Variants in ISCA1 observed in about 807,000 individuals in gnomAD.
The protein encoded by ISCA1 is iron-sulfur cluster assembly 1.
Under a neutral mutation model 14.7 loss-of-function variants are expected in ISCA1, and 9 were observed. That is an observed-to-expected ratio of 0.61 (90% confidence interval 0.37 to 1.07). ISCA1 has a LOEUF of 1.07. Among genes scored for constraint, ISCA1 ranks in the 50% least tolerant of loss-of-function variants. The pLI, the probability that ISCA1 is intolerant of heterozygous loss-of-function variation, is 0.01. For missense variants in ISCA1, 102 were observed against 150.1 expected (o/e 0.68, Z 1.67); for synonymous variants, 38 against 54.3 (o/e 0.70, Z 1.32).
In ISCA1 at chr9:86,274,184, C is replaced by T. The variant is rs1362978784; in HGVS notation, c.135+5G>A. ...TTTACTGAATAATTAACTGGTTTTA[C>T]TTACATGCTCAGGCTTATCTTTAAG... On this transcript the variant is annotated splice_donor_5th_base_variant and intron_variant, in intron 2 of 3. Coordinates refer to ENST00000375991, the MANE Select transcript of ISCA1 (RefSeq NM_030940.4). 5 of 1,530,088 alleles carry T rather than the reference C, an allele frequency of 3.3e-6. No individual in the cohort carries two copies. The highest frequency in any genetic ancestry group is 4.5e-6 in the Non-Finnish European group (5 of 1,105,132). 94.8% of individuals were successfully genotyped at this position (1,530,088 alleles called of 1,614,324 possible). A position where few individuals can be genotyped will look rare whatever the true frequency, so the allele number is the denominator to read the frequency against.
At chr9:86,267,649 G>A (rs1825306246) in intron 3 of ISCA1, 1 of 837,312 alleles carries the variant, frequency 1.2e-6, no homozygotes, top group Admixed American at 6.3e-5. Flanking sequence ...TCAAAAACAT[G>A]AGTTGATAAT....
rs1233476200 is a variant in ISCA1 at position 86,282,482 on chromosome 9, G to A, written c.-24C>T. 2.6e-6 allele frequency: 4 copies of A among 1,550,496 alleles called. No individual in the cohort carries two copies. Among genetic ancestry groups the A allele is most frequent in the Non-Finnish European group, 3.5e-6 (4 of 1,147,002 alleles). Reference sequence around the variant, plus strand: ...ATCTTCGCCGTCCCGGCGCCCCGGTGCCTCGGGCCGAAGGTCGGCCGCCTC... The same window carrying A: ...ATCTTCGCCGTCCCGGCGCCCCGGTACCTCGGGCCGAAGGTCGGCCGCCTC... On this transcript the variant is annotated 5_prime_UTR_variant, in exon 1 of 4. Coordinates refer to ENST00000375991, the MANE Select transcript of ISCA1 (RefSeq NM_030940.4).
intron 3 of ISCA1, chr9:86,267,320 C>T: frequency 1.2e-6 from 1 of 818,566 alleles, no homozygotes; most frequent in African/African-American, 1.9e-5. Context: ...ATTAAGTCAC[C>T]TCTTCTTTAA....
intron 1 of ISCA1, among the ~76,000 whole-genome samples, chr9:86,280,531 G>T (rs763763613): frequency 2.0e-5 from 3 of 149,996 alleles, no homozygotes; most frequent in Admixed American, 6.6e-5. Context: ...GTAGGCAGAG[G>T]CTGCAGTGAG....
intron 3 of ISCA1, chr9:86,267,683 A>C: frequency 1.4e-6 from 1 of 690,652 alleles, no homozygotes; most frequent in Non-Finnish European, 1.8e-6. Context: ...AAATACAAAA[A>C]TGAACCAGGC....
chr9:86,271,284 GTGTAAGTACACCCCAGGATA>G (rs1276905926), intron 3 of ISCA1, among the ~76,000 whole-genome samples: 3 of 152,122 alleles, frequency 2.0e-5, no homozygotes, highest in African/African-American at 7.2e-5. Context: ...ATCTAGGTTT[GTGTAAGTACACCCCAGGATA>G]TTTGTCCAAT....
At chr9:86,282,252 C>T in intron 1 of ISCA1, 126 bp downstream of exon 1, 1 of 1,054,736 alleles carries the variant, frequency 9.5e-7, no homozygotes, top group Non-Finnish European at 1.3e-6. Context: ...TGCGGCGGGT[C>T]GGAGCGACGC....
At chr9:86,276,802 C>T (rs1161753290) in intron 1 of ISCA1, among the ~76,000 whole-genome samples, 3 of 126,734 alleles carry the variant, frequency 2.4e-5, no homozygotes, top group Admixed American at 1.0e-4. Context: ...ACCCAGGAGG[C>T]GGAGGCTGCA....
rs1236354388 is a variant in ISCA1 at position 86,264,560 on chromosome 9, A to G, written c.*1483T>C. 1 of 152,430 alleles carries G rather than the reference A, an allele frequency of 6.6e-6. No individual in the cohort carries two copies. The highest frequency in any genetic ancestry group is 1.5e-5 in the Non-Finnish European group (1 of 68,030). The allele number at this position is 152,430 out of a possible 1,614,324, so 9.4% of individuals were successfully genotyped here. A position where few individuals can be genotyped will look rare whatever the true frequency, so the allele number is the denominator to read the frequency against. On this transcript the variant is annotated 3_prime_UTR_variant, in exon 4 of 4. Transcript: ENST00000375991. Reference sequence around the variant, plus strand: ...ATAAAAGGCAATTTTATGATCACAAAGAGGCCACATTTTTTTTAATTGACA... The same window carrying G: ...ATAAAAGGCAATTTTATGATCACAAGGAGGCCACATTTTTTTTAATTGACA...
intron 3 of ISCA1, among the ~76,000 whole-genome samples, chr9:86,268,171 A>G (rs1290647810): frequency 6.6e-6 from 1 of 152,080 alleles, no homozygotes; most frequent in East Asian, 1.9e-4. Flanking sequence ...TATCCAGAAG[A>G]AGGCATCATT....
intron 2 of ISCA1, among the ~76,000 whole-genome samples, chr9:86,272,800 A>T (rs1297349189): frequency 6.6e-6 from 1 of 152,208 alleles, no homozygotes; most frequent in African/African-American, 2.4e-5. Context: ...CTGTACTTTA[A>T]ATAACTTCTG....
At chr9:86,279,544 C>A (rs1214482448) in intron 1 of ISCA1, among the ~76,000 whole-genome samples, 1 of 152,224 alleles carries the variant, frequency 6.6e-6, no homozygotes, top group African/African-American at 2.4e-5. Flanking sequence ...AGACTCCACA[C>A]ATATAGCACT....
chr9:86,280,288 G>C (rs1043331053), intron 1 of ISCA1, among the ~76,000 whole-genome samples: 6 of 152,100 alleles, frequency 3.9e-5, no homozygotes, highest in Admixed American at 2.0e-4. Flanking sequence ...GACTGACATA[G>C]AAATTCTGAA....
At chr9:86,282,255 A>G in intron 1 of ISCA1, 123 bp downstream of exon 1, 2 of 1,088,916 alleles carry the variant, frequency 1.8e-6, no homozygotes, top group South Asian at 1.7e-5. Context: ...GGCGGGTCGG[A>G]GCGACGCCGA....
chr9:86,270,514 C>G (rs1266739940), intron 3 of ISCA1, among the ~76,000 whole-genome samples: 1 of 150,188 alleles, frequency 6.7e-6, no homozygotes, highest in East Asian at 2.0e-4. Context: ...ACTAGTTCAA[C>G]CATTGTGGAA....
intron 1 of ISCA1, among the ~76,000 whole-genome samples, chr9:86,276,097 A>G (rs776122429): frequency 1.3e-5 from 2 of 152,062 alleles, no homozygotes; most frequent in Non-Finnish European, 2.9e-5. Context: ...AACTCATCAA[A>G]ATATACAATC....
chr9:86,274,420 CTCTT>C (rs778185024), intron 1 of ISCA1, among the ~76,000 whole-genome samples, 178 bp from the exon 2 acceptor site: 22 of 152,188 alleles, frequency 1.4e-4, no homozygotes, highest in Admixed American at 2.6e-4. Flanking sequence ...TCAAAATATC[CTCTT>C]TATTTAAAAA....
chr9:86,271,036 T>C (rs1203051086), intron 3 of ISCA1, among the ~76,000 whole-genome samples: 2 of 151,438 alleles, frequency 1.3e-5, no homozygotes, highest in Non-Finnish European at 2.9e-5. Flanking sequence ...GGCACATGTA[T>C]ACATATGTAA....
rs1456558791 is a variant in ISCA1, at chr9:86,264,996, C to T, written c.*1047G>A. On this transcript the variant is annotated 3_prime_UTR_variant, in exon 4 of 4. Transcript: ENST00000375991. ...TCTCCTGTACAGTGAGGACCACATT[C>T]CAAAAGCATAATTCTGGGTTGCTAC... is the stretch of plus-strand genomic sequence containing the variant. 2.6e-5 allele frequency: 4 copies of T among 152,140 alleles called. No individual in the cohort carries two copies. Among genetic ancestry groups the T allele is most frequent in the Non-Finnish European group, 5.9e-5 (4 of 68,026 alleles). The allele number at this position is 152,140 out of a possible 1,614,324, so 9.4% of individuals were successfully genotyped here.
Sources: gnomAD v4.1 joint callset for allele counts (sites outside exome capture counted in the v4.1 genomes callset) on GRCh38, gnomAD v4.1.1 for gene constraint, MANE v1.5 for transcripts, NCBI Gene and HGNC (gene_info 2026-07-23, HGNC 2026-07-21) for gene names.